FASTKD2: variants seen among roughly 807,000 people sequenced by gnomAD.
The protein encoded by FASTKD2 is FAST kinase domains 2, also known as FAST kinase domain-containing protein 2, mitochondrial.
FASTKD2 carries 51 observed loss-of-function variants against 63.6 expected under a neutral mutation model. The ratio of observed to expected loss-of-function variants is 0.80; its 90% CI spans 0.64 to 1.01. The LOEUF is 1.01. Among genes scored for constraint, FASTKD2 ranks in the 50% least tolerant of loss-of-function variants. The probability of loss-of-function intolerance (pLI) is 0.00; values close to 1 mark genes in which losing one functional copy is unlikely to be tolerated. For synonymous variants in FASTKD2, 284 were observed against 293.4 expected, an observed-to-expected ratio of 0.97 and a Z score of 0.33; for missense variants, 786 against 831.1, an observed-to-expected ratio of 0.95 and a Z score of 0.67.
chr2:206,786,778 C>T lies in FASTKD2; in HGVS notation c.1473C>T (p.His491=). ...CTAGTGCTCTGACTGGTTATCTTCA[C>T]ACTATTTCTTCTGAAAACTTATTGG... ...VMASALTGYL[H]TISSENLLDA... The change falls in exon 8 of 12, where the codon CAC becomes CAT. Residue 491 remains histidine (H), a synonymous_variant. Transcript: ENST00000402774. 1 of 1,613,800 alleles carries T rather than the reference C, an allele frequency of 6.2e-7. No individual in the cohort carries two copies. The highest frequency in any genetic ancestry group is 8.5e-7 in the Non-Finnish European group (1 of 1,179,714).
intron 4 of FASTKD2, 136 bp from the exon 5 acceptor site, chr2:206,771,758 G>T: frequency 1.5e-6 from 1 of 686,202 alleles, no homozygotes; most frequent in Non-Finnish European, 2.5e-6. Context: ...GGCGGCTGAG[G>T]CAGGAGGATC....
intron 1 of FASTKD2, among the ~76,000 whole-genome samples, chr2:206,766,259 CAAAAAAAAAAAAAA>C (rs60933510): frequency 5.4e-5 from 3 of 55,960 alleles, no homozygotes; most frequent in East Asian, 5.1e-4. Context: ...GACTTTGTCT[CAAAAAAAAAAAAAA>C]AAAAAAAAAA....
rs918461594 is a variant in FASTKD2 at position 206,770,095 on chromosome 2, G to A, written c.782G>A (p.Arg261His). The A allele has an allele frequency of 1.1e-5, 17 of 1,588,738 alleles. No individual in the cohort carries two copies. The highest frequency in any genetic ancestry group is 2.2e-5 in the East Asian group (1 of 44,726). Residue 261 changes from arginine to histidine, a missense_variant, in exon 3 of 12, where the codon CGT becomes CAT. Physicochemically the swap from Arg to His is conservative, Grantham distance 29 (BLOSUM62 0). Coordinates refer to ENST00000402774, the MANE Select transcript of FASTKD2 (RefSeq NM_001136193.2). ...TTTGTAATTATATTTCAATAGGAAC[G>A]TATCAATGAGTGTGATGAGATATGC... ...VQTLLRVTQE[R>H]INECDEICLS...
intron 6 of FASTKD2, among the ~76,000 whole-genome samples, chr2:206,773,887 A>G (rs1412960391): frequency 6.6e-6 from 1 of 152,178 alleles, no homozygotes; most frequent in Admixed American, 6.5e-5. Flanking sequence ...GAAAACCTTC[A>G]GAAAAGGCAT....
In FASTKD2 at chr2:206,774,345, A is replaced by G; in HGVS notation, c.1375A>G (p.Ile459Val). 6.2e-7 allele frequency: 1 copy of G among 1,604,092 alleles called. No homozygotes were observed. Among genetic ancestry groups the G allele is most frequent in the South Asian group, 1.1e-5 (1 of 90,696 alleles). The stretch of plus-strand genomic sequence containing the variant: ...CCTAAACATGAAAAACATTCTATCT[A>G]TTCTTCATACTTACTCTTCTCTCAA... ...ESLNMKNILS[I>V]LHTYSSLNHV... Residue 459 changes from isoleucine to valine, a missense_variant, in exon 7 of 12, where the codon ATT becomes GTT. By Grantham distance (29) the Ile-to-Val change is conservative. Coordinates refer to ENST00000402774, the MANE Select transcript of FASTKD2 (RefSeq NM_001136193.2).
At chr2:206,772,458 A>G in intron 6 of FASTKD2, 138 bp downstream of exon 6, 2 of 872,018 alleles carry the variant, frequency 2.3e-6, no homozygotes, top group Non-Finnish European at 3.7e-6. Flanking sequence ...CTTTTGAAAA[A>G]TTAGCTCCTT....
Position 206,770,115 on chromosome 2 carries a change from A to G in FASTKD2, c.802A>G (p.Ile268Val), listed in dbSNP as rs1689629450. ...TQERINECDEICLSVLSTVLE... is the reference protein window; with the variant it reads ...TQERINECDEVCLSVLSTVLE... ...GGAACGTATCAATGAGTGTGATGAG[A>G]TATGCCTTTCAGTTTTGTCAACTGT... The change falls in exon 3 of 12, where the codon ATA becomes GTA. Residue 268 changes from isoleucine (I) to valine (V), a missense_variant. By Grantham distance (29) the Ile-to-Val change is conservative. Coordinates refer to ENST00000402774, the MANE Select transcript of FASTKD2 (RefSeq NM_001136193.2). 6.2e-7 allele frequency: 1 copy of G among 1,607,942 alleles called. No individual in the cohort carries two copies. The highest frequency in any genetic ancestry group is 8.5e-7 in the Non-Finnish European group (1 of 1,174,432).
At chr2:206,769,025 A>G (rs189503457) in intron 2 of FASTKD2, among the ~76,000 whole-genome samples, 2 of 152,214 alleles carry the variant, frequency 1.3e-5, no homozygotes, top group Admixed American at 6.5e-5. Context: ...TTGCATCGGG[A>G]TGACATCTGT....
chr2:206,791,494 C>T, intron 11 of FASTKD2, 189 bp from the exon 12 acceptor site: 1 of 581,744 alleles, frequency 1.7e-6, no homozygotes. Context: ...GTATAATTTT[C>T]ACAGTTAAAG....
Position 206,791,941 on chromosome 2 carries a change from G to T in FASTKD2, c.*139G>T. On this transcript the variant is annotated 3_prime_UTR_variant, in exon 12 of 12. Transcript: ENST00000402774. ...AGTTCACTATTAAAATTAATTTTAG[G>T]AGTGGAAGAAATGTTGTTACTGCCA... 2 of 759,506 alleles carry T rather than the reference G, an allele frequency of 2.6e-6. No homozygotes were observed. The highest frequency in any genetic ancestry group is 4.3e-6 in the Non-Finnish European group (2 of 468,970). 47.0% of individuals were successfully genotyped at this position (759,506 alleles called of 1,614,324 possible). A position where few individuals can be genotyped will look rare whatever the true frequency, so the allele number is the denominator to read the frequency against.
chr2:206,778,840 A>G (rs577162866), intron 7 of FASTKD2, among the ~76,000 whole-genome samples: 3 of 152,222 alleles, frequency 2.0e-5, no homozygotes, highest in South Asian at 2.1e-4. Flanking sequence ...TGAACTGTGC[A>G]TGTGAAGGCT....
chr2:206,769,117 G>A (rs180749538), intron 2 of FASTKD2, among the ~76,000 whole-genome samples: 7 of 152,332 alleles, frequency 4.6e-5, no homozygotes, highest in Admixed American at 1.3e-4. Context: ...TTGGAATAAT[G>A]TAAAGACATT....
intron 4 of FASTKD2, 97 bp from the exon 5 acceptor site, chr2:206,771,797 C>A: frequency 9.9e-7 from 1 of 1,011,684 alleles, no homozygotes; most frequent in Non-Finnish European, 1.5e-6. Context: ...GAGGCTCCAA[C>A]CTGGGTGACA....
At chr2:206,781,631 A>T (rs184690518) in intron 7 of FASTKD2, among the ~76,000 whole-genome samples, 1 of 145,380 alleles carries the variant, frequency 6.9e-6, no homozygotes, top group East Asian at 2.0e-4. Flanking sequence ...GTGTTTATGG[A>T]TTTCTAAGTA....
chr2:206,783,511 C>G (rs1336550416), intron 7 of FASTKD2, among the ~76,000 whole-genome samples: 1 of 151,962 alleles, frequency 6.6e-6, no homozygotes, highest in Admixed American at 6.6e-5. Flanking sequence ...AGGCTGGCTC[C>G]CATTGATGCC....
At chr2:206,766,003 G>A (rs1440738145) in intron 1 of FASTKD2, among the ~76,000 whole-genome samples, 1 of 151,978 alleles carries the variant, frequency 6.6e-6, no homozygotes, top group Non-Finnish European at 1.5e-5. Flanking sequence ...AGCCGGGCGC[G>A]GTGACTCACG....
chr2:206,771,103 C>A, intron 3 of FASTKD2, 79 bp from the exon 4 acceptor site: 1 of 845,072 alleles, frequency 1.2e-6, no homozygotes, highest in Non-Finnish European at 2.0e-6. Flanking sequence ...TAAGAAGGGG[C>A]TGGACCAAAT....
chr2:206,767,312 A>G lies in FASTKD2; in HGVS notation c.619A>G (p.Met207Val). The change falls in exon 2 of 12, where the codon ATG (methionine) becomes GTG (valine). Residue 207 changes from methionine (M) to valine (V), a missense_variant. Transcript: ENST00000402774. The stretch of plus-strand genomic sequence containing the variant: ...CCAGAAGCGCTTTGAAAAACGACTG[A>G]TGTTTAGCCACCCTGCATTTAATCA... ...DDQKRFEKRL[M>V]FSHPAFNQLC... The G allele has an allele frequency of 6.2e-7, 1 of 1,614,202 alleles. No homozygotes were observed. The highest frequency in any genetic ancestry group is 8.5e-7 in the Non-Finnish European group (1 of 1,180,038).
chr2:206,773,858 A>G (rs960447873), intron 6 of FASTKD2, among the ~76,000 whole-genome samples: 1 of 152,180 alleles, frequency 6.6e-6, no homozygotes, highest in Non-Finnish European at 1.5e-5. Flanking sequence ...GAGAAGTTCA[A>G]GATTGAGTTG....
Sources: gnomAD v4.1 joint callset for allele counts (sites outside exome capture counted in the v4.1 genomes callset) on GRCh38, gnomAD v4.1.1 for gene constraint, MANE v1.5 for transcripts, NCBI Gene and HGNC (gene_info 2026-07-23, HGNC 2026-07-21) for gene names.